The following GRID1 variants were observed in gnomAD, a reference collection of about 807,000 sequenced individuals.
The protein encoded by GRID1 is glutamate receptor ionotropic, delta-1.
Under a neutral mutation model 98.0 loss-of-function variants are expected in GRID1, and 28 were observed. The ratio of observed to expected loss-of-function variants is 0.29; its 90% CI spans 0.21 to 0.39. GRID1 has a LOEUF of 0.39. Among genes scored for constraint, GRID1 ranks in the 10% least tolerant of loss-of-function variants. The pLI, the probability that GRID1 is intolerant of heterozygous loss-of-function variation, is 1.00. For missense variants in GRID1, 1,111 were observed against 1,340.5 expected (o/e 0.83, Z 2.67); for synonymous variants, 553 against 538.5 (o/e 1.03, Z -0.37).
intron 2 of GRID1, among the ~76,000 whole-genome samples, chr10:86,363,279 C>G (rs2132124506): frequency 6.6e-6 from 1 of 152,350 alleles, no homozygotes; most frequent in East Asian, 1.9e-4. Context: ...GCAGCCGGAC[C>G]GGCCCAGCTC....
At chr10:85,974,166 A>G (rs1352555569) in intron 4 of GRID1, among the ~76,000 whole-genome samples, 2 of 152,232 alleles carry the variant, frequency 1.3e-5, no homozygotes, top group African/African-American at 4.8e-5. Flanking sequence ...GCCATTGGCC[A>G]AAGCAAGCTC....
At chr10:85,859,819 A>T (rs956245928) in intron 6 of GRID1, among the ~76,000 whole-genome samples, 3 of 152,180 alleles carry the variant, frequency 2.0e-5, no homozygotes, top group Non-Finnish European at 4.4e-5. Flanking sequence ...CTGACAGTTC[A>T]CTGGTGGGGA....
intron 5 of GRID1, among the ~76,000 whole-genome samples, chr10:85,878,138 G>A (rs575706951): frequency 2.8e-3 from 423 of 152,294 alleles, no homozygotes; most frequent in Middle Eastern, 6.8e-3. Flanking sequence ...CCAAATCTAC[G>A]TCTGATTGGT....
At chr10:86,274,149 G>A (rs558236371) in intron 2 of GRID1, among the ~76,000 whole-genome samples, 86 of 152,188 alleles carry the variant, frequency 5.7e-4, no homozygotes, top group African/African-American at 2.0e-3. Context: ...AGTTTTCCCA[G>A]CACCATTTAT....
intron 4 of GRID1, among the ~76,000 whole-genome samples, chr10:86,062,074 C>T (rs939167501): frequency 5.9e-5 from 9 of 152,184 alleles, no homozygotes; most frequent in African/African-American, 2.2e-4. Context: ...AGCCCACCAT[C>T]TGTTCTGTGC....
intron 2 of GRID1, among the ~76,000 whole-genome samples, chr10:86,304,159 C>T (rs1334383449): frequency 1.3e-5 from 2 of 152,190 alleles, no homozygotes; most frequent in Non-Finnish European, 2.9e-5. Flanking sequence ...TCTGCACCTC[C>T]TACCTGTCCT....
At chr10:85,606,000 C>T (rs1227346571) in intron 15 of GRID1, 1 of 152,204 alleles carries the variant, frequency 6.6e-6, no homozygotes, top group Non-Finnish European at 1.5e-5. Context: ...TGTCAAGTGC[C>T]AAGCTGGAAT....
chr10:86,125,196 C>T (rs1844734946), intron 4 of GRID1, among the ~76,000 whole-genome samples: 1 of 152,230 alleles, frequency 6.6e-6, no homozygotes, highest in Admixed American at 6.5e-5. Flanking sequence ...ACGTGACTGC[C>T]AATGGGCAAG....
intron 8 of GRID1, among the ~76,000 whole-genome samples, chr10:85,779,283 C>A (rs1842361220): frequency 6.6e-6 from 1 of 152,130 alleles, no homozygotes; most frequent in Non-Finnish European, 1.5e-5. Context: ...GAACAAGACT[C>A]AATTTTTGTT....
intron 12 of GRID1, among the ~76,000 whole-genome samples, chr10:85,659,725 G>T (rs1840943744): frequency 6.6e-6 from 1 of 152,198 alleles, no homozygotes; most frequent in Admixed American, 6.5e-5. Flanking sequence ...GGAGGAGAAG[G>T]TGTGCTCTAT....
intron 3 of GRID1, among the ~76,000 whole-genome samples, chr10:86,181,937 A>C (rs1023446409): frequency 6.6e-6 from 1 of 152,208 alleles, no homozygotes; most frequent in African/African-American, 2.4e-5. Flanking sequence ...AAAGGTACAC[A>C]ATAAATACTC....
intron 12 of GRID1, among the ~76,000 whole-genome samples, chr10:85,700,825 C>T (rs1841442414): frequency 6.6e-6 from 1 of 152,112 alleles, no homozygotes; most frequent in African/African-American, 2.4e-5. Flanking sequence ...TTTCAGTTCT[C>T]TTGGATGCTG....
intron 4 of GRID1, among the ~76,000 whole-genome samples, chr10:86,109,469 G>A (rs1188206684): frequency 2.0e-5 from 3 of 152,172 alleles, no homozygotes; most frequent in African/African-American, 7.2e-5. Context: ...ACATCTCAGT[G>A]GCCAAACAGG....
intron 5 of GRID1, among the ~76,000 whole-genome samples, chr10:85,912,620 G>A (rs535333751): frequency 6.6e-6 from 1 of 152,328 alleles, no homozygotes; most frequent in African/African-American, 2.4e-5. Flanking sequence ...GGCCATGCTG[G>A]AGGCCCCAGA....
intron 12 of GRID1, among the ~76,000 whole-genome samples, chr10:85,666,754 A>G (rs188752475): frequency 1.4e-4 from 21 of 152,156 alleles, no homozygotes; most frequent in Non-Finnish European, 2.8e-4. Context: ...CTGGACATCT[A>G]TGGGCATCTA....
At chr10:86,115,183 G>A (rs1484598396) in intron 4 of GRID1, among the ~76,000 whole-genome samples, 1 of 152,186 alleles carries the variant, frequency 6.6e-6, no homozygotes, top group Non-Finnish European at 1.5e-5. Flanking sequence ...GCATGGCTGT[G>A]AGTTATGAAA....
intron 12 of GRID1, among the ~76,000 whole-genome samples, chr10:85,702,563 T>G (rs1437482000): frequency 6.6e-6 from 1 of 152,118 alleles, no homozygotes; most frequent in Non-Finnish European, 1.5e-5. Flanking sequence ...TCTGTTTGCA[T>G]ATACAAAGAC....
At chr10:86,179,467 G>A (rs1845624210) in intron 3 of GRID1, among the ~76,000 whole-genome samples, 2 of 152,334 alleles carry the variant, frequency 1.3e-5, no homozygotes, top group South Asian at 4.1e-4. Context: ...TTCCATCCCA[G>A]CTTTCAAGGA....
intron 5 of GRID1, among the ~76,000 whole-genome samples, chr10:85,876,800 C>T (rs927235655): frequency 3.5e-4 from 53 of 152,164 alleles, no homozygotes; most frequent in Non-Finnish European, 5.4e-4. Context: ...CGAAGGAGGG[C>T]GAGGCATTGC....
Sources: gnomAD v4.1 joint callset for allele counts (sites outside exome capture counted in the v4.1 genomes callset) on GRCh38, gnomAD v4.1.1 for gene constraint, MANE v1.5 for transcripts, NCBI Gene and HGNC (gene_info 2026-07-23, HGNC 2026-07-21) for gene names.